Variants in DSCAML1 observed in about 807,000 individuals in gnomAD.
DSCAML1 encodes the protein DS cell adhesion molecule like 1.
DSCAML1 carries 38 observed loss-of-function variants against 200.5 expected under a neutral mutation model. The ratio of observed to expected loss-of-function variants is 0.19; its 90% CI spans 0.15 to 0.25. DSCAML1 has a LOEUF of 0.25. Ranked by LOEUF, DSCAML1 falls within the 10% of genes least tolerant of loss-of-function variation. The pLI is 1.00. For synonymous variants in DSCAML1, 1,215 were observed against 1,165.0 expected (o/e 1.04, Z -0.87); for missense variants, 2,223 against 2,858.8 (o/e 0.78, Z 5.07).
intron 3 of DSCAML1, among the ~76,000 whole-genome samples, chr11:117,734,613 C>T: frequency 6.6e-6 from 1 of 152,234 alleles, no homozygotes; most frequent in African/African-American, 2.4e-5. Flanking sequence ...CTCTCCTGAT[C>T]TCTTCCGTAG....
chr11:117,559,977 C>T (rs2050630934), intron 3 of DSCAML1, among the ~76,000 whole-genome samples: 1 of 152,054 alleles, frequency 6.6e-6, no homozygotes, highest in Non-Finnish European at 1.5e-5. Context: ...CCCAGAGAAG[C>T]TCCAGCCCCC....
chr11:117,446,504 T>C (rs1014795834), intron 20 of DSCAML1, among the ~76,000 whole-genome samples: 4 of 151,536 alleles, frequency 2.6e-5, no homozygotes, highest in African/African-American at 9.7e-5. Flanking sequence ...AAGAAAAATA[T>C]GAGAAACCCA....
chr11:117,797,146 C>G lies in DSCAML1; in HGVS notation c.-67G>C, dbSNP rs760081728. ...CCGGCCGTGCGGCAGCGCCTCTCCC[C>G]CGCTCAGCGCGCTCCCAGCCGCCCG... On this transcript the variant is annotated 5_prime_UTR_variant, in exon 1 of 33. Transcript: ENST00000651296. The G allele has an allele frequency of 3.0e-5, 48 of 1,589,942 alleles. No homozygotes were observed. The South Asian group carries it at 4.0e-4, about 13-fold the overall frequency.
rs546063418 is a variant in DSCAML1 at position 117,439,119 on chromosome 11, C to G, written c.4145-136G>C. ...TCCCACTCCCCAGCTCTCCTGCCTC[C>G]CCTTCCATGTGCACCTCTGTTTCTC... On this transcript the variant is annotated intron_variant, in intron 23 of 32. Transcript: ENST00000651296. 347 of 1,352,352 alleles carry G rather than the reference C, an allele frequency of 2.6e-4. 6 individuals carry two copies. The South Asian group carries it at 4.5e-3, about 18-fold the overall frequency. The allele number at this position is 1,352,352 out of a possible 1,614,324, so 83.8% of individuals were successfully genotyped here. A position where few individuals can be genotyped will look rare whatever the true frequency, so the allele number is the denominator to read the frequency against.
At chr11:117,804,576 T>C (rs190007925) in intron 1 of DSCAML1, among the ~76,000 whole-genome samples, 1 of 152,354 alleles carries the variant, frequency 6.6e-6, no homozygotes, top group African/African-American at 2.4e-5. Context: ...CTTTTTTCTT[T>C]TCTGACATAA....
At chr11:117,468,784 G>T (rs2048631855) in intron 16 of DSCAML1, among the ~76,000 whole-genome samples, 1 of 152,250 alleles carries the variant, frequency 6.6e-6, no homozygotes, top group Non-Finnish European at 1.5e-5. Flanking sequence ...GAGTGTGAGT[G>T]TGCGTGCACA....
At chr11:117,452,703 CTTCT>C (rs941848653) in intron 19 of DSCAML1, among the ~76,000 whole-genome samples, 3 of 151,422 alleles carry the variant, frequency 2.0e-5, no homozygotes, top group African/African-American at 7.3e-5. Flanking sequence ...TCTTTTGTGG[CTTCT>C]TTAATTAAGT....
intron 3 of DSCAML1, among the ~76,000 whole-genome samples, chr11:117,641,106 G>T (rs892768050): frequency 6.6e-6 from 1 of 152,240 alleles, no homozygotes; most frequent in Non-Finnish European, 1.5e-5. Context: ...AAGTTTGCCT[G>T]TTTCCAATAG....
chr11:117,475,443 A>G (rs1156514075), intron 14 of DSCAML1, among the ~76,000 whole-genome samples: 1 of 151,976 alleles, frequency 6.6e-6, no homozygotes, highest in Non-Finnish European at 1.5e-5. Context: ...ATCTTTCTCT[A>G]TTCTTCTCCT....
intron 3 of DSCAML1, among the ~76,000 whole-genome samples, chr11:117,673,019 G>A (rs749039595): frequency 2.6e-5 from 4 of 152,094 alleles, no homozygotes; most frequent in East Asian, 1.9e-4. Context: ...GCTCTAAGAC[G>A]TCTGTGCTCC....
At chr11:117,507,328 C>A (rs2049521009) in intron 8 of DSCAML1, among the ~76,000 whole-genome samples, 1 of 152,192 alleles carries the variant, frequency 6.6e-6, no homozygotes, top group African/African-American at 2.4e-5. Flanking sequence ...CTACCCTGGG[C>A]CCATCCAGAG....
At chr11:117,789,824 G>T (rs2055427795) in intron 1 of DSCAML1, among the ~76,000 whole-genome samples, 1 of 152,188 alleles carries the variant, frequency 6.6e-6, no homozygotes, top group African/African-American at 2.4e-5. Flanking sequence ...TTCTAAGGAT[G>T]AGCTCTGTAA....
intron 3 of DSCAML1, among the ~76,000 whole-genome samples, chr11:117,604,418 G>T (rs1329138069): frequency 6.6e-6 from 1 of 151,482 alleles, no homozygotes; most frequent in Non-Finnish European, 1.5e-5. Context: ...CCCTCCCAGC[G>T]CCTGCCCCTC....
intron 5 of DSCAML1, among the ~76,000 whole-genome samples, chr11:117,523,643 ATCTGGGCTGTGG>A (rs1350470962): frequency 6.6e-6 from 1 of 152,204 alleles, no homozygotes. Context: ...CTCAGCCCTT[ATCTGGGCTGTGG>A]GAGTCAGACA....
At chr11:117,654,040 CTG>C (rs1034110898) in intron 3 of DSCAML1, among the ~76,000 whole-genome samples, 2 of 152,292 alleles carry the variant, frequency 1.3e-5, no homozygotes, top group Admixed American at 1.3e-4. Context: ...AAAAAAAGTA[CTG>C]ATATAGATAA....
At chr11:117,689,489 C>T (rs978397891) in intron 3 of DSCAML1, among the ~76,000 whole-genome samples, 1 of 152,240 alleles carries the variant, frequency 6.6e-6, no homozygotes, top group Non-Finnish European at 1.5e-5. Flanking sequence ...TAAAGACAAA[C>T]TTCCTGCCAG....
chr11:117,499,181 T>A (rs2049350162), intron 11 of DSCAML1, among the ~76,000 whole-genome samples: 1 of 152,222 alleles, frequency 6.6e-6, no homozygotes, highest in South Asian at 2.1e-4. Flanking sequence ...GACCTCCTCC[T>A]CCTTTTGGTC....
intron 3 of DSCAML1, among the ~76,000 whole-genome samples, chr11:117,743,312 TGG>T (rs1181356314): frequency 6.6e-6 from 1 of 152,122 alleles, no homozygotes; most frequent in African/African-American, 2.4e-5. Context: ...GTTCCTGGAT[TGG>T]GGCCAGTCCC....
At chr11:117,665,647 G>A (rs1034296241) in intron 3 of DSCAML1, among the ~76,000 whole-genome samples, 1 of 152,124 alleles carries the variant, frequency 6.6e-6, no homozygotes, top group African/African-American at 2.4e-5. Context: ...CAGATGAGGA[G>A]ACTGGGCCCA....
Sources: allele counts gnomAD v4.1 joint callset (sites outside exome capture counted in the v4.1 genomes callset), GRCh38; gene constraint gnomAD v4.1.1; transcripts MANE v1.5; gene names NCBI Gene and HGNC (gene_info 2026-07-23, HGNC 2026-07-21).